DNAH7: variants seen among roughly 807,000 people sequenced by gnomAD.
DNAH7 encodes the protein axonemal beta dynein heavy chain 7.
Under a neutral mutation model 444.6 loss-of-function variants are expected in DNAH7, and 397 were observed. The observed-to-expected ratio is 0.89, with a 90% CI of 0.82 to 0.97. DNAH7 has a LOEUF of 0.97. DNAH7 is among the 50% of genes least tolerant of loss of function. The probability of loss-of-function intolerance (pLI) is 0.00; values close to 1 mark genes in which losing one functional copy is unlikely to be tolerated. For synonymous variants in DNAH7, 1,636 were observed against 1,624.4 expected (o/e 1.01, Z -0.17); for missense variants, 4,902 against 4,800.8 (o/e 1.02, Z -0.62).
chr2:195,898,739 T>A (rs904609258), intron 28 of DNAH7, among the ~76,000 whole-genome samples: 34 of 152,148 alleles, frequency 2.2e-4, no homozygotes, highest in African/African-American at 8.2e-4. Context: ...AGACGGCTGG[T>A]CATGCACTAA....
chr2:195,996,235 C>A (rs1397353897), intron 12 of DNAH7, among the ~76,000 whole-genome samples: 3 of 152,298 alleles, frequency 2.0e-5, no homozygotes, highest in South Asian at 2.1e-4. Context: ...CTGTGAACAG[C>A]AACCAGAGCA....
chr2:195,903,636 T>C (rs184711567), intron 27 of DNAH7: 4 of 152,304 alleles, frequency 2.6e-5, no homozygotes, highest in Non-Finnish European at 5.9e-5. Flanking sequence ...GATGTCAAAA[T>C]GGGACTCTTT....
At chr2:195,791,166 G>A (rs1035157524) in intron 57 of DNAH7, among the ~76,000 whole-genome samples, 1 of 151,814 alleles carries the variant, frequency 6.6e-6, no homozygotes, top group Non-Finnish European at 1.5e-5. Context: ...CAGTCAGAAT[G>A]GCTATTACTA....
chr2:195,936,657 A>G lies in DNAH7; in HGVS notation c.3214T>C (p.Phe1072Leu), dbSNP rs777726651. ...EKKRLFFPRF[F>L]FLSNDELLEI... ...AGAAGTTCATCATTGGACAAAAAAA[A>G]GAATCTGGGGAAAAAGAGGCGTTTC... is the stretch of plus-strand genomic sequence containing the variant. The change falls in exon 20 of 65, where the codon TTT becomes CTT. Residue 1072 changes from phenylalanine to leucine, a missense_variant. Physicochemically the swap from Phe to Leu is conservative, Grantham distance 22 (BLOSUM62 0). Coordinates refer to ENST00000312428, the MANE Select transcript of DNAH7 (RefSeq NM_018897.3). 11 of 1,606,056 alleles carry G rather than the reference A, an allele frequency of 6.8e-6. No individual in the cohort carries two copies. In the Admixed American group the frequency reaches 1.2e-4, roughly 17 times the overall value.
intron 46 of DNAH7, among the ~76,000 whole-genome samples, chr2:195,851,145 C>T (rs1699336843): frequency 6.6e-6 from 1 of 152,170 alleles, no homozygotes; most frequent in African/African-American, 2.4e-5. Context: ...CTGATGTTTG[C>T]CATCCAACCC....
At chr2:195,802,448 C>T (rs960645645) in intron 54 of DNAH7, among the ~76,000 whole-genome samples, 6 of 151,872 alleles carry the variant, frequency 4.0e-5, no homozygotes, top group Admixed American at 6.6e-5. Flanking sequence ...TGCAATGAGT[C>T]GAGATTATGC....
intron 24 of DNAH7, among the ~76,000 whole-genome samples, chr2:195,915,917 TATAAACTA>T (rs1285825251): frequency 3.3e-5 from 5 of 152,258 alleles, no homozygotes; most frequent in South Asian, 2.1e-4. Flanking sequence ...CTCAGCCACT[TATAAACTA>T]ATAGTTTATT....
chr2:196,020,582 G>T (rs1575038631), intron 8 of DNAH7, among the ~76,000 whole-genome samples: 1 of 150,704 alleles, frequency 6.6e-6, no homozygotes, highest in African/African-American at 2.4e-5. Flanking sequence ...TTGTGTGTGT[G>T]TGTGGAATGG....
At chr2:195,848,732 T>C (rs983390853) in intron 46 of DNAH7, among the ~76,000 whole-genome samples, 67 of 152,184 alleles carry the variant, frequency 4.4e-4, no homozygotes, top group African/African-American at 1.6e-3. Context: ...GTTTCACATG[T>C]TTCCTGGGGG....
chr2:196,046,758 TACTTACCAC>T (rs200074952), intron 5 of DNAH7, among the ~76,000 whole-genome samples: 8,488 of 152,204 alleles, frequency 0.056, 378 homozygotes, highest in African/African-American at 0.13. Context: ...GTGAGTGAGT[TACTTACCAC>T]AATGGGTCAT....
At chr2:196,020,964 AATCAT>A (rs1197552016) in intron 8 of DNAH7, among the ~76,000 whole-genome samples, 1 of 152,210 alleles carries the variant, frequency 6.6e-6, no homozygotes, top group Admixed American at 6.5e-5. Flanking sequence ...GTGGTTATTT[AATCAT>A]ATAAGTTCCA....
intron 24 of DNAH7, 104 bp from the exon 25 acceptor site, chr2:195,910,299 T>C: frequency 1.1e-6 from 1 of 894,710 alleles, no homozygotes; most frequent in Non-Finnish European, 1.6e-6. Flanking sequence ...ACCTCCAGCT[T>C]CCTCTTTGAT....
chr2:195,811,082 G>T (rs2068138), intron 51 of DNAH7, among the ~76,000 whole-genome samples: 109,722 of 152,100 alleles, frequency 0.72, 39,731 homozygotes, highest in African/African-American at 0.77. Context: ...AATATGATAT[G>T]TTAATAACCT....
chr2:195,840,162 C>G (rs1698597831), intron 47 of DNAH7, among the ~76,000 whole-genome samples: 1 of 151,500 alleles, frequency 6.6e-6, no homozygotes, highest in Admixed American at 6.6e-5. Context: ...TACATTATGA[C>G]CAAGTAGAGT....
chr2:195,824,793 T>C (rs1307868386), intron 48 of DNAH7, among the ~76,000 whole-genome samples: 1 of 152,140 alleles, frequency 6.6e-6, no homozygotes, highest in Non-Finnish European at 1.5e-5. Flanking sequence ...GCATTTCCAG[T>C]TGTAGTTATT....
chr2:196,067,682 T>C (rs758057632), intron 1 of DNAH7, among the ~76,000 whole-genome samples: 9 of 152,206 alleles, frequency 5.9e-5, no homozygotes, highest in Non-Finnish European at 1.2e-4. Flanking sequence ...TACAACTCAA[T>C]GGATAGGAGA....
Position 195,972,258 on chromosome 2 carries a change from T to A in DNAH7, c.2042A>T (p.Tyr681Phe). The A allele has an allele frequency of 3.7e-6, 6 of 1,613,424 alleles. No individual in the cohort carries two copies. The highest frequency in any genetic ancestry group is 5.1e-6 in the Non-Finnish European group (6 of 1,179,418). ...GATGCCAACCTTCAGACCTTCTTGA[T>A]ATTGTTCTATTTTCTCTTTAATGAT... ...RKIIKEKIEQYQEGLKLRCER... is the reference protein window; with the variant it reads ...RKIIKEKIEQFQEGLKLRCER... Residue 681 changes from tyrosine to phenylalanine, a missense_variant, in exon 16 of 65, where the codon TAT becomes TTT. Physicochemically the swap from Tyr to Phe is conservative, Grantham distance 22. Transcript: ENST00000312428.
rs530584014 is a variant in DNAH7, at chr2:195,979,418, T to TG, written c.1833+5213dup. Reference sequence around the variant, plus strand: ...TAAGAAGGAAATTGAAAAAATTTCTTGGAGGAAGTGATAATGGAAACATAA... The same window carrying TG: ...TAAGAAGGAAATTGAAAAAATTTCTTGGGAGGAAGTGATAATGGAAACATAA... On this transcript the variant is annotated intron_variant, in intron 15 of 64. Coordinates refer to ENST00000312428, the MANE Select transcript of DNAH7 (RefSeq NM_018897.3). 2.0e-3 allele frequency among the ~76,000 whole-genome samples: 304 copies of TG among 152,196 alleles called. 1 individual carries two copies. Among genetic ancestry groups the TG allele is most frequent in the African/African-American group, 7.0e-3 (289 of 41,552 alleles).
chr2:195,945,864 G>C (rs967828202), intron 19 of DNAH7, among the ~76,000 whole-genome samples: 1 of 152,154 alleles, frequency 6.6e-6, no homozygotes, highest in African/African-American at 2.4e-5. Flanking sequence ...ACCAAGTTTG[G>C]GGGTGAAATG....
Sources: allele counts gnomAD v4.1 joint callset (sites outside exome capture counted in the v4.1 genomes callset), GRCh38; gene constraint gnomAD v4.1.1; transcripts MANE v1.5; gene names NCBI Gene and HGNC (gene_info 2026-07-23, HGNC 2026-07-21).